PPP1R13L: variants seen among roughly 807,000 people sequenced by gnomAD.
PPP1R13L encodes relA-associated inhibitor.
In PPP1R13L, 50 loss-of-function variants were observed where a neutral mutation model predicts 80.9. The ratio of observed to expected loss-of-function variants is 0.62; its 90% CI spans 0.49 to 0.78. The LOEUF (loss-of-function observed/expected upper bound fraction) is 0.78, where lower values mean the gene tolerates loss of function less well. Ranked by LOEUF, PPP1R13L falls within the 30% of genes least tolerant of loss-of-function variation. PPP1R13L has a pLI of 0.00. For synonymous variants in PPP1R13L, 602 were observed against 534.3 expected (o/e 1.13, Z -1.75); for missense variants, 1,200 against 1,205.9 (o/e 1.00, Z 0.07).
intron 11 of PPP1R13L, among the ~76,000 whole-genome samples, chr19:45,384,084 CTT>C (rs1180833642): frequency 2.1e-5 from 3 of 145,240 alleles, no homozygotes; most frequent in African/African-American, 2.5e-5. Context: ...CTTTTCTTTT[CTT>C]TTTTTTTTTC....
Position 45,399,768 on chromosome 19 carries a change from T to G in PPP1R13L, c.-21-1429A>C, listed in dbSNP as rs530915409. Among the ~76,000 whole-genome samples the G allele has an allele frequency of 2.0e-5, 3 of 151,752 alleles. No homozygotes were observed. In the South Asian group the frequency reaches 6.2e-4, roughly 32 times the overall value. Reference sequence around the variant, plus strand: ...CAGGAGACCAGCCTGGCCAATATGGTGAAACCCCGTCTCTACAAAAAAATA... The same window carrying G: ...CAGGAGACCAGCCTGGCCAATATGGGGAAACCCCGTCTCTACAAAAAAATA... On this transcript the variant is annotated intron_variant, in intron 1 of 12. Transcript: ENST00000360957.
rs1042906787 is a variant in PPP1R13L at position 45,382,572 on chromosome 19, G to A, written c.2403C>T (p.Ala801=). ...DGPEETDWWW[A]ALHGQEGYVP... ...CGTAGCCCTCCTGGCCGTGCAGCGCGGCCCACCACCAGTCGGTCTCCTCCG... is the reference window on the plus strand; with the variant it reads ...CGTAGCCCTCCTGGCCGTGCAGCGCAGCCCACCACCAGTCGGTCTCCTCCG... Residue 801 remains alanine, a synonymous_variant, in exon 12 of 13, where the codon GCC becomes GCT. Transcript: ENST00000360957. 2 of 1,613,316 alleles carry A rather than the reference G, an allele frequency of 1.2e-6. No homozygotes were observed. Among genetic ancestry groups the A allele is most frequent in the African/African-American group, 2.7e-5 (2 of 74,936 alleles).
intron 11 of PPP1R13L, among the ~76,000 whole-genome samples, chr19:45,383,554 C>T (rs760609316): frequency 7.9e-5 from 12 of 152,016 alleles, no homozygotes; most frequent in Non-Finnish European, 5.9e-5. Flanking sequence ...CTCGGCCTCC[C>T]AAAGTGCTGG....
At chr19:45,406,359 G>A (rs1442579602), upstream of PPP1R13L, 2 of 1,242,800 alleles carry the variant, frequency 1.6e-6, no homozygotes, top group African/African-American at 3.2e-5. The surrounding 1 kb of genome is among the most constrained non-coding windows in gnomAD (Gnocchi z 4.2). Flanking sequence ...GAGCAGTGTG[G>A]CTGCCCCTTT....
chr19:45,397,997 A>T lies in PPP1R13L; in HGVS notation c.198+8T>A, dbSNP rs759235671. The T allele has an allele frequency of 6.2e-7, 1 of 1,605,038 alleles. No homozygotes were observed. The highest frequency in any genetic ancestry group is 8.5e-7 in the Non-Finnish European group (1 of 1,173,852). On this transcript the variant is annotated splice_region_variant and intron_variant, in intron 3 of 12. Transcript: ENST00000360957. ...GGCTTTGGAGATCAAGGTGGGAACCAGGCTTACCCTAGAAGGGGGTCCGGC... is the reference window on the plus strand; with the variant it reads ...GGCTTTGGAGATCAAGGTGGGAACCTGGCTTACCCTAGAAGGGGGTCCGGC...
At chr19:45,401,520 C>G (rs1023026346) in intron 1 of PPP1R13L, among the ~76,000 whole-genome samples, 1 of 152,008 alleles carries the variant, frequency 6.6e-6, no homozygotes, top group African/African-American at 2.4e-5. Context: ...CTGAAAGGCC[C>G]CTTTAATCTC....
At chr19:45,387,711 C>T (rs895875234) in intron 8 of PPP1R13L, among the ~76,000 whole-genome samples, 1 of 152,106 alleles carries the variant, frequency 6.6e-6, no homozygotes, top group African/African-American at 2.4e-5. Context: ...CCCGCCACCA[C>T]GCCTGGCTAT....
chr19:45,383,706 C>T (rs1051250647), intron 11 of PPP1R13L, among the ~76,000 whole-genome samples: 4 of 152,202 alleles, frequency 2.6e-5, no homozygotes, highest in African/African-American at 4.8e-5. Flanking sequence ...AAGATTCGCA[C>T]CTTCCTTGAA....
intron 11 of PPP1R13L, among the ~76,000 whole-genome samples, chr19:45,384,593 C>G (rs959766863): frequency 6.7e-6 from 1 of 148,936 alleles, no homozygotes; most frequent in African/African-American, 2.5e-5. Flanking sequence ...TGGCTCACAC[C>G]TGAATCTTAG....
intron 1 of PPP1R13L, among the ~76,000 whole-genome samples, chr19:45,398,886 TG>T (rs536365633): frequency 1.6e-4 from 24 of 152,158 alleles, no homozygotes; most frequent in African/African-American, 5.8e-4. Flanking sequence ...AAACATAGGA[TG>T]GAATAACTAT....
chr19:45,382,275 T>C (rs1972777803), intron 12 of PPP1R13L, among the ~76,000 whole-genome samples: 1 of 151,630 alleles, frequency 6.6e-6, no homozygotes, highest in Non-Finnish European at 1.5e-5. Flanking sequence ...AAAAAAATAA[T>C]AGAAATTTAA....
At chr19:45,390,771 A>G (rs1972955934) in intron 8 of PPP1R13L, among the ~76,000 whole-genome samples, 1 of 152,072 alleles carries the variant, frequency 6.6e-6, no homozygotes, top group Non-Finnish European at 1.5e-5. Flanking sequence ...TTTTTAGTAG[A>G]CAGGGGGTTT....
At chr19:45,397,502 C>CTTTCTT (rs1973135787) in intron 3 of PPP1R13L, among the ~76,000 whole-genome samples, 1 of 114,998 alleles carries the variant, frequency 8.7e-6, no homozygotes, top group East Asian at 2.7e-4. Context: ...TTCTTTCTTT[C>CTTTCTT]TTTCTTTCTT....
In PPP1R13L at chr19:45,386,194, C is replaced by G. The variant is rs758631354; in HGVS notation, c.1816-14G>C. On this transcript the variant is annotated splice_polypyrimidine_tract_variant and intron_variant, in intron 8 of 12. Transcript: ENST00000360957. Reference sequence around the variant, plus strand: ...AGAGCGCATCTCCTGGGGGACAGGGCGCAGAGGTCAGCGACTTGGAGGGAT... The same window carrying G: ...AGAGCGCATCTCCTGGGGGACAGGGGGCAGAGGTCAGCGACTTGGAGGGAT... 4.7e-6 allele frequency: 7 copies of G among 1,504,332 alleles called. No individual in the cohort carries two copies. The highest frequency in any genetic ancestry group is 5.3e-6 in the Non-Finnish European group (6 of 1,140,342). The allele number at this position is 1,504,332 out of a possible 1,614,324, so 93.2% of individuals were successfully genotyped here.
rs529746041 is a variant in PPP1R13L, at chr19:45,396,182, C to G, written c.889G>C (p.Gly297Arg). ...CGCCTCCTCACCTTGCCGGTGCCCCCCAGTCCATCCAGGCTGCTCTCCCTC... is the reference window on the plus strand; with the variant it reads ...CGCCTCCTCACCTTGCCGGTGCCCCGCAGTCCATCCAGGCTGCTCTCCCTC... ...PWRESSLDGL[G>R]GTGKDNLTSA... Residue 297 changes from glycine (G) to arginine (R), a missense_variant, in exon 6 of 13, where the codon GGG (glycine) becomes CGG (arginine). This residue lies in a region of PPP1R13L where 764 missense variants were observed against 714.5 expected (regional missense o/e 1.07). Coordinates refer to ENST00000360957, the MANE Select transcript of PPP1R13L (RefSeq NM_006663.4). This position sits in a 1 kb window ranked among gnomAD's most constrained non-coding sequence, Gnocchi z 5.3. 341 of 1,609,474 alleles carry G rather than the reference C, an allele frequency of 2.1e-4. 4 individuals carry two copies. The South Asian group carries it at 3.0e-3, about 14-fold the overall frequency.
chr19:45,393,236 CATT>C (rs1568558363), intron 7 of PPP1R13L: 1 of 150,998 alleles, frequency 6.6e-6, no homozygotes, highest in Non-Finnish European at 1.5e-5. Context: ...CACACACACA[CATT>C]ATATATATAG....
Position 45,396,538 on chromosome 19 carries a change from G to C in PPP1R13L, c.712+7C>G, listed in dbSNP as rs775530361. The C allele has an allele frequency of 9.9e-5, 155 of 1,570,242 alleles. No homozygotes were observed. The East Asian group carries it at 2.9e-3, about 30-fold the overall frequency. ...TCAAAGGCCCCGCGAGGGGCCCCTG[G>C]GTTCACCTTGCGCGCGCAGAGGCGG... On this transcript the variant is annotated splice_region_variant and intron_variant, in intron 4 of 12. Transcript: ENST00000360957. The surrounding 1 kb of genome is among the most constrained non-coding windows in gnomAD (Gnocchi z 5.3).
intron 8 of PPP1R13L, among the ~76,000 whole-genome samples, chr19:45,386,412 AGAAAGCTGGGG>A (rs1972871329): frequency 6.6e-6 from 1 of 152,108 alleles, no homozygotes; most frequent in African/African-American, 2.4e-5. Flanking sequence ...GAAACTTGGG[AGAAAGCTGGGG>A]GGCCATGGGA....
At chr19:45,394,292 C>T (rs570831716) in intron 7 of PPP1R13L, among the ~76,000 whole-genome samples, 4 of 151,802 alleles carry the variant, frequency 2.6e-5, no homozygotes, top group African/African-American at 9.7e-5. Context: ...CTACCATGCC[C>T]GGCAGATTTT....
Sources: gnomAD v4.1 joint callset for allele counts (sites outside exome capture counted in the v4.1 genomes callset) on GRCh38, gnomAD v4.1.1 for gene constraint, gnomAD v4.1.1 regional missense constraint, Gnocchi (gnomAD v3.1) non-coding constraint, MANE v1.5 for transcripts, NCBI Gene and HGNC (gene_info 2026-07-23, HGNC 2026-07-21) for gene names.